MICAL2: variants seen among roughly 807,000 people sequenced by gnomAD.
MICAL2 encodes microtubule associated monooxygenase, calponin and LIM domain containing 2.
Under a neutral mutation model 127.3 loss-of-function variants are expected in MICAL2, and 77 were observed. That is an observed-to-expected ratio of 0.60 (90% CI 0.50 to 0.73). The LOEUF (loss-of-function observed/expected upper bound fraction) is 0.73. MICAL2 is among the 30% of genes least tolerant of loss of function. The pLI is 0.00. For synonymous variants in MICAL2, 570 were observed against 551.1 expected, an observed-to-expected ratio of 1.03 and a Z score of -0.48; for missense variants, 1,351 against 1,434.4, an observed-to-expected ratio of 0.94 and a Z score of 0.94.
intron 1 of MICAL2, among the ~76,000 whole-genome samples, chr11:12,113,921 C>T (rs1435475658): frequency 6.6e-6 from 1 of 152,192 alleles, no homozygotes; most frequent in Non-Finnish European, 1.5e-5. Context: ...TATGAAATGG[C>T]ATTTAAAACA....
intron 1 of MICAL2, among the ~76,000 whole-genome samples, chr11:12,137,612 AGT>A (rs148768354): frequency 1.3e-5 from 2 of 151,574 alleles, no homozygotes; most frequent in Non-Finnish European, 1.5e-5. Flanking sequence ...TGTGTGTGTG[AGT>A]GTGTGTGTGG....
chr11:12,294,677 C>T, downstream of MICAL2: 2 of 1,614,178 alleles, frequency 1.2e-6, no homozygotes, highest in Non-Finnish European at 8.5e-7. Flanking sequence ...AGAATCCAGA[C>T]AAAGAAAGGA....
At chr11:12,166,430 C>T (rs1855517623) in intron 3 of MICAL2, among the ~76,000 whole-genome samples, 1 of 152,210 alleles carries the variant, frequency 6.6e-6, no homozygotes, top group South Asian at 2.1e-4. Context: ...TATGTGAAGA[C>T]AGATATGTAA....
intron 1 of MICAL2, among the ~76,000 whole-genome samples, chr11:12,134,630 C>T (rs377609449): frequency 6.6e-6 from 1 of 152,132 alleles, no homozygotes; most frequent in Non-Finnish European, 1.5e-5. Flanking sequence ...ATAAAGCAGG[C>T]ACTTGTTGAG....
intron 15 of MICAL2, among the ~76,000 whole-genome samples, chr11:12,234,065 T>C (rs1858684625): frequency 6.6e-6 from 1 of 152,176 alleles, no homozygotes; most frequent in South Asian, 2.1e-4. Context: ...TCAGAGGGGC[T>C]GAGGTTGTCC....
rs142528511 is a variant in MICAL2 at position 12,162,264 on chromosome 11, C to T, written c.109C>T (p.Arg37Ter). ...CCTCCAGGCCTTCAACATTCTCACA[C>T]GACACCTGGACCTAGACCCTCTGGA... ...GTLQAFNILT[R>*]HLDLDPLDHR... Residue 37 changes from arginine (R) to a stop codon, truncating the protein, a stop_gained, in exon 3 of 28, where the codon CGA becomes TGA. Coordinates refer to ENST00000683283, the MANE Select transcript of MICAL2 (RefSeq NM_001282663.2). LOFTEE classifies it high-confidence loss of function. 4 of 1,614,138 alleles carry T rather than the reference C, an allele frequency of 2.5e-6. No individual in the cohort carries two copies. Among genetic ancestry groups the T allele is most frequent in the Non-Finnish European group, 3.4e-6 (4 of 1,180,060 alleles).
chr11:12,326,060 C>T (rs1864350435), intron 31 of MICAL2, among the ~76,000 whole-genome samples: 1 of 152,148 alleles, frequency 6.6e-6, no homozygotes, highest in African/African-American at 2.4e-5. Flanking sequence ...CAAGAAGAGC[C>T]CGGTGGCTGT....
intron 31 of MICAL2, among the ~76,000 whole-genome samples, chr11:12,324,361 C>T (rs1480399274): frequency 6.6e-6 from 1 of 152,236 alleles, no homozygotes; most frequent in Non-Finnish European, 1.5e-5. Flanking sequence ...CCTTGGGAGT[C>T]ATCCCTGACT....
In MICAL2 at chr11:12,229,619, C is replaced by G. The variant is rs527425761; in HGVS notation, c.1995+2488C>G. On this transcript the variant is annotated intron_variant, in intron 15 of 27. Transcript: ENST00000683283. The stretch of plus-strand genomic sequence containing the variant: ...AGGGATGTTTCCACCTTTCACTCAC[C>G]ACACCTCTATTTACAGAGTGACAGA... Among the ~76,000 whole-genome samples, 9 of 152,352 alleles carry G rather than the reference C, an allele frequency of 5.9e-5. No individual in the cohort carries two copies. In the Middle Eastern group the frequency reaches 0.014, roughly 230 times the overall value.
At chr11:12,346,364 G>A (rs1322241109) in intron 32 of MICAL2, among the ~76,000 whole-genome samples, 1 of 152,190 alleles carries the variant, frequency 6.6e-6, no homozygotes, top group East Asian at 1.9e-4. Context: ...CAGCTGCATG[G>A]CAGATAGAAA....
chr11:12,274,148 G>A (rs1392378637), upstream of MICAL2, among the ~76,000 whole-genome samples: 1 of 152,188 alleles, frequency 6.6e-6, no homozygotes, highest in Non-Finnish European at 1.5e-5. Context: ...ACACTGTGGA[G>A]AGGGAGGAGG....
intron 2 of MICAL2, among the ~76,000 whole-genome samples, chr11:12,158,818 G>C (rs773921908): frequency 1.3e-5 from 2 of 152,232 alleles, no homozygotes; most frequent in African/African-American, 2.4e-5. Context: ...CAAGATGGAT[G>C]AGGTAACTTG....
downstream of MICAL2, chr11:12,359,101 A>C (rs1205630155): frequency 6.6e-6 from 1 of 152,594 alleles, no homozygotes; most frequent in Non-Finnish European, 1.5e-5. Context: ...ATACATAAGC[A>C]ATGAGAGCTT....
intron 32 of MICAL2, among the ~76,000 whole-genome samples, chr11:12,331,510 T>C (rs540785779): frequency 6.6e-6 from 1 of 152,256 alleles, no homozygotes; most frequent in Admixed American, 6.5e-5. Context: ...TGAGAAATGC[T>C]AGCGAAAGCC....
chr11:12,269,000 AG>A (rs1442587685), intron 24 of MICAL2, among the ~76,000 whole-genome samples: 1 of 151,892 alleles, frequency 6.6e-6, no homozygotes, highest in Admixed American at 6.5e-5. Context: ...TCCGTCTCAA[AG>A]GAAAAAAAAA....
At chr11:12,206,740 C>T (rs1419834190) in intron 4 of MICAL2, among the ~76,000 whole-genome samples, 1 of 152,178 alleles carries the variant, frequency 6.6e-6, no homozygotes, top group Non-Finnish European at 1.5e-5. Context: ...TCCTGTGTTC[C>T]TGTTCTAGGC....
chr11:12,239,527 C>T lies in MICAL2; in HGVS notation c.2156C>T (p.Ala719Val), dbSNP rs914315098. The change falls in exon 17 of 28, where the codon GCG (alanine) becomes GTG (valine). Residue 719 changes from alanine to valine, a missense_variant. Ala to Val is a moderately conservative substitution (Grantham distance 64). Transcript: ENST00000683283. The stretch of plus-strand genomic sequence containing the variant: ...AATCAGAACAAAGTCAAGTCCATGG[C>T]GAATCAGCTGCTGGCCAAGTTTGAG... Reference protein sequence around the residue: ...GGNQNKVKSMANQLLAKFEES... With the variant: ...GGNQNKVKSMVNQLLAKFEES... 1.1e-5 allele frequency: 18 copies of T among 1,614,198 alleles called. No individual in the cohort carries two copies. Among genetic ancestry groups the T allele is most frequent in the East Asian group, 8.9e-5 (4 of 44,882 alleles).
intron 1 of MICAL2, among the ~76,000 whole-genome samples, chr11:12,128,442 T>G (rs895970673): frequency 4.6e-5 from 7 of 152,226 alleles, no homozygotes; most frequent in African/African-American, 1.4e-4. Flanking sequence ...CAAGGTCACA[T>G]AGCTGGTAAA....
chr11:12,165,797 T>A (rs1855441222), intron 3 of MICAL2, among the ~76,000 whole-genome samples: 1 of 152,184 alleles, frequency 6.6e-6, no homozygotes, highest in Non-Finnish European at 1.5e-5. Context: ...CTAATGGAGG[T>A]GTCAGGGGAC....
Sources: allele counts gnomAD v4.1 joint callset (sites outside exome capture counted in the v4.1 genomes callset), GRCh38; gene constraint gnomAD v4.1.1; transcripts MANE v1.5; gene names NCBI Gene and HGNC (gene_info 2026-07-23, HGNC 2026-07-21).